The following GRIN3A variants were observed in gnomAD, a reference collection of about 807,000 sequenced individuals.
The protein encoded by GRIN3A is glutamate receptor ionotropic, NMDA 3A.
Under a neutral mutation model 92.4 loss-of-function variants are expected in GRIN3A, and 47 were observed. The ratio of observed to expected loss-of-function variants is 0.51; its 90% CI spans 0.40 to 0.65. The LOEUF (loss-of-function observed/expected upper bound fraction) is 0.65. Among genes scored for constraint, GRIN3A ranks in the 30% least tolerant of loss-of-function variants. GRIN3A has a pLI of 0.00. For missense variants in GRIN3A, 1,324 were observed against 1,393.1 expected (o/e 0.95, Z 0.79); for synonymous variants, 527 against 540.6 (o/e 0.97, Z 0.35).
At chr9:101,620,980 T>G (rs1473464368) in intron 5 of GRIN3A, among the ~76,000 whole-genome samples, 1 of 152,134 alleles carries the variant, frequency 6.6e-6, no homozygotes, top group African/African-American at 2.4e-5. Context: ...TTCTTGAACT[T>G]ATTAAAATGT....
intron 1 of GRIN3A, among the ~76,000 whole-genome samples, chr9:101,701,698 T>C (rs1300211410): frequency 2.6e-5 from 4 of 152,110 alleles, no homozygotes; most frequent in Non-Finnish European, 5.9e-5. Context: ...AATTGACAAA[T>C]GGGACCTAAT....
intron 4 of GRIN3A, 94 bp from the exon 5 acceptor site, chr9:101,623,527 C>T (rs1828586725): frequency 1.1e-6 from 1 of 889,122 alleles, no homozygotes; most frequent in Non-Finnish European, 1.9e-6. Context: ...GGGGACAGAA[C>T]CCGAACACTA....
At chr9:101,723,189 G>C (rs1025963193) in intron 1 of GRIN3A, among the ~76,000 whole-genome samples, 2 of 152,176 alleles carry the variant, frequency 1.3e-5, no homozygotes, top group African/African-American at 4.8e-5. Flanking sequence ...GGACCCTCGC[G>C]GTGAGTGTTA....
In GRIN3A at chr9:101,572,943, A is replaced by T. The variant is rs1168124495; in HGVS notation, c.*231T>A. The T allele has an allele frequency of 5.4e-6, 3 of 554,872 alleles. No individual in the cohort carries two copies. The allele number at this position is 554,872 out of a possible 1,614,324, so 34.4% of individuals were successfully genotyped here. The stretch of plus-strand genomic sequence containing the variant: ...TTCACAGATCTCTCGCACAGAGCTT[A>T]CTCCTGACTAAGATTCTTGCTAGAA... On this transcript the variant is annotated 3_prime_UTR_variant, in exon 9 of 9. Coordinates refer to ENST00000361820, the MANE Select transcript of GRIN3A (RefSeq NM_133445.3).
intron 3 of GRIN3A, among the ~76,000 whole-genome samples, chr9:101,629,849 A>C (rs1239486119): frequency 6.6e-6 from 1 of 152,192 alleles, no homozygotes; most frequent in Non-Finnish European, 1.5e-5. Context: ...AAGGTCATGC[A>C]GTTGTAAGTA....
Position 101,571,458 on chromosome 9 carries a change from G to A in GRIN3A, c.*1716C>T, listed in dbSNP as rs977133847. ...ATCTCCAGCTGTAAAAGAGGAAAGT[G>A]CTTGGCACAGCTCCTGAACTTATTG... On this transcript the variant is annotated 3_prime_UTR_variant, in exon 9 of 9. Coordinates refer to ENST00000361820, the MANE Select transcript of GRIN3A (RefSeq NM_133445.3). 6.6e-6 allele frequency: 1 copy of A among 152,142 alleles called. No homozygotes were observed. Among genetic ancestry groups the A allele is most frequent in the African/African-American group, 2.4e-5 (1 of 41,428 alleles). The allele number at this position is 152,142 out of a possible 1,614,324, so 9.4% of individuals were successfully genotyped here.
intron 1 of GRIN3A, among the ~76,000 whole-genome samples, chr9:101,708,716 T>C (rs567265271): frequency 6.6e-6 from 1 of 152,338 alleles, no homozygotes; most frequent in East Asian, 1.9e-4. Flanking sequence ...ATTTGTCTTA[T>C]GCGTTTCTAT....
chr9:101,587,076 G>A (rs907945678), intron 6 of GRIN3A, among the ~76,000 whole-genome samples: 4 of 152,122 alleles, frequency 2.6e-5, no homozygotes, highest in Admixed American at 1.3e-4. Flanking sequence ...TTGGGAGGCC[G>A]AGACAAGTGG....
intron 3 of GRIN3A, among the ~76,000 whole-genome samples, chr9:101,637,783 C>T (rs1247488250): frequency 6.6e-6 from 1 of 152,106 alleles, no homozygotes; most frequent in Non-Finnish European, 1.5e-5. Context: ...AATCTAATTC[C>T]AGAGCCTTTG....
intron 6 of GRIN3A, among the ~76,000 whole-genome samples, chr9:101,603,531 C>T (rs1309568543): frequency 6.6e-6 from 1 of 152,078 alleles, no homozygotes; most frequent in Non-Finnish European, 1.5e-5. Context: ...GTATGTTGCT[C>T]CCAGAGCTGA....
intron 6 of GRIN3A, chr9:101,602,854 G>A (rs985481241): frequency 6.8e-6 from 1 of 147,854 alleles, no homozygotes; most frequent in Non-Finnish European, 1.5e-5. Flanking sequence ...TGATACGGAG[G>A]GAGGGGAAAA....
chr9:101,732,499 G>A (rs933557033), intron 1 of GRIN3A, among the ~76,000 whole-genome samples: 1 of 152,146 alleles, frequency 6.6e-6, no homozygotes, highest in Non-Finnish European at 1.5e-5. Context: ...AAACAGTACT[G>A]TGGCATGTCT....
intron 6 of GRIN3A, chr9:101,594,984 C>T (rs372408489): frequency 4.1e-6 from 6 of 1,459,852 alleles, no homozygotes; most frequent in African/African-American, 1.4e-5. Flanking sequence ...GCGGTGAGCT[C>T]GGGCGGGGCT....
chr9:101,575,965 AT>A (rs1827820686), intron 8 of GRIN3A, among the ~76,000 whole-genome samples: 1 of 152,204 alleles, frequency 6.6e-6, no homozygotes, highest in Non-Finnish European at 1.5e-5. Flanking sequence ...GAATAAACAA[AT>A]GCTGGACTTT....
At chr9:101,575,640 C>T (rs1827816079) in intron 8 of GRIN3A, among the ~76,000 whole-genome samples, 3 of 152,136 alleles carry the variant, frequency 2.0e-5, no homozygotes, top group African/African-American at 7.2e-5. Context: ...AAAATTTCTC[C>T]AAGCATTTCC....
At chr9:101,667,460 G>A (rs1564139800) in intron 3 of GRIN3A, among the ~76,000 whole-genome samples, 1 of 151,944 alleles carries the variant, frequency 6.6e-6, no homozygotes, top group East Asian at 2.0e-4. Context: ...AACTTGGACA[G>A]TACTTCATCT....
In GRIN3A at chr9:101,569,460, A is replaced by G. The variant is rs920254083; in HGVS notation, c.*3714T>C. ...GTTGTACAAGAAAAGTGGCTGGAGCAAAACAGCCCGTTCACTTCATGCTCA... is the reference window on the plus strand; with the variant it reads ...GTTGTACAAGAAAAGTGGCTGGAGCGAAACAGCCCGTTCACTTCATGCTCA... On this transcript the variant is annotated 3_prime_UTR_variant, in exon 9 of 9. Coordinates refer to ENST00000361820, the MANE Select transcript of GRIN3A (RefSeq NM_133445.3). The G allele has an allele frequency of 1.3e-5, 2 of 152,224 alleles. No homozygotes were observed. Among genetic ancestry groups the G allele is most frequent in the Non-Finnish European group, 1.5e-5 (1 of 68,040 alleles). 9.4% of individuals were successfully genotyped at this position (152,224 alleles called of 1,614,324 possible).
rs552959314 is a variant in GRIN3A at position 101,649,849 on chromosome 9, C to T, written c.2352+20211G>A. Among the ~76,000 whole-genome samples the T allele has an allele frequency of 6.3e-4, 96 of 152,088 alleles. 1 individual carries two copies. Among genetic ancestry groups the T allele is most frequent in the Middle Eastern group, 3.4e-3 (1 of 294 alleles). ...TATTGACTGCAGTCTAGAAAATGTACGACCCTTGTCTCTGGAACAAAACAT... is the reference window on the plus strand; with the variant it reads ...TATTGACTGCAGTCTAGAAAATGTATGACCCTTGTCTCTGGAACAAAACAT... On this transcript the variant is annotated intron_variant, in intron 3 of 8. Transcript: ENST00000361820.
At chr9:101,638,150 G>A (rs1008788267) in intron 3 of GRIN3A, among the ~76,000 whole-genome samples, 1 of 152,150 alleles carries the variant, frequency 6.6e-6, no homozygotes, top group Non-Finnish European at 1.5e-5. Flanking sequence ...GCCTCTGGAT[G>A]TACCTCGGTA....
Sources: gnomAD v4.1 joint callset for allele counts (sites outside exome capture counted in the v4.1 genomes callset) on GRCh38, gnomAD v4.1.1 for gene constraint, MANE v1.5 for transcripts, NCBI Gene and HGNC (gene_info 2026-07-23, HGNC 2026-07-21) for gene names.